ZEB1: variants seen among roughly 807,000 people sequenced by gnomAD.
ZEB1 encodes the protein zinc finger E-box binding homeobox 1.
Under a neutral mutation model 84.9 loss-of-function variants are expected in ZEB1, and 21 were observed. That is an observed-to-expected ratio of 0.25 (90% CI 0.18 to 0.36). The LOEUF (loss-of-function observed/expected upper bound fraction) is 0.36, where lower values mean the gene tolerates loss of function less well. ZEB1 is among the 10% of genes least tolerant of loss of function. The pLI is 1.00. For synonymous variants in ZEB1, 420 were observed against 471.1 expected (o/e 0.89, Z 1.41); for missense variants, 1,104 against 1,330.2 (o/e 0.83, Z 2.65).
intron 3 of ZEB1, among the ~76,000 whole-genome samples, chr10:31,499,747 A>G (rs570416767): frequency 6.6e-6 from 1 of 152,202 alleles, no homozygotes; most frequent in East Asian, 1.9e-4. Context: ...CCTGGGCGAC[A>G]AGAGCGAAAC....
intron 1 of ZEB1, among the ~76,000 whole-genome samples, chr10:31,453,832 A>C (rs549091841): frequency 6.6e-6 from 1 of 152,322 alleles, no homozygotes; most frequent in South Asian, 2.1e-4. Flanking sequence ...CCAGAGGTAC[A>C]AAGAGGAGCT....
At chr10:31,346,165 T>G (rs1405404899) in intron 1 of ZEB1, among the ~76,000 whole-genome samples, 7 of 152,206 alleles carry the variant, frequency 4.6e-5, no homozygotes, top group Admixed American at 1.3e-4. Flanking sequence ...ATTTACAATT[T>G]GTTCACTGTA....
At chr10:31,514,165 C>A (rs928128558) in intron 5 of ZEB1, among the ~76,000 whole-genome samples, 1 of 151,936 alleles carries the variant, frequency 6.6e-6, no homozygotes, top group African/African-American at 2.4e-5. Flanking sequence ...CTATTCAGGA[C>A]CTTGTTCTGT....
At chr10:31,500,209 AT>A (rs1217460000) in intron 3 of ZEB1, among the ~76,000 whole-genome samples, 3 of 152,126 alleles carry the variant, frequency 2.0e-5, no homozygotes, top group African/African-American at 7.2e-5. Context: ...TTTTACTTTT[AT>A]CTAGTTTAAA....
intron 1 of ZEB1, among the ~76,000 whole-genome samples, chr10:31,444,709 A>G (rs563317471): frequency 1.3e-5 from 2 of 152,204 alleles, no homozygotes; most frequent in Admixed American, 6.5e-5. Flanking sequence ...GGTTTGTCAA[A>G]GATCAGATAG....
intron 1 of ZEB1, among the ~76,000 whole-genome samples, chr10:31,443,681 C>G (rs1003768408): frequency 6.7e-6 from 1 of 149,270 alleles, no homozygotes; most frequent in African/African-American, 2.5e-5. Context: ...TTTGTTCTTG[C>G]GATAGTTTAC....
At chr10:31,522,820 G>A (rs1479647054) in intron 7 of ZEB1, among the ~76,000 whole-genome samples, 1 of 152,106 alleles carries the variant, frequency 6.6e-6, no homozygotes, top group East Asian at 1.9e-4. Flanking sequence ...TGTATTTGCT[G>A]CTTTTGTTTT....
At chr10:31,418,648 GTACTC>G (rs1354169417) in intron 1 of ZEB1, among the ~76,000 whole-genome samples, 2 of 152,072 alleles carry the variant, frequency 1.3e-5, no homozygotes, top group East Asian at 3.9e-4. Context: ...GCTTCTCTCT[GTACTC>G]TACTGAGGTT....
intron 1 of ZEB1, among the ~76,000 whole-genome samples, chr10:31,353,662 T>C (rs1420715756): frequency 2.6e-5 from 4 of 152,232 alleles, no homozygotes. Flanking sequence ...CAATGATCAT[T>C]TCTAAAGAAG....
chr10:31,370,895 T>C (rs753444683), intron 1 of ZEB1, among the ~76,000 whole-genome samples: 3 of 152,100 alleles, frequency 2.0e-5, no homozygotes, highest in Non-Finnish European at 4.4e-5. Context: ...TTTAAAAAAA[T>C]TTTTGCGGAG....
chr10:31,342,387 G>A (rs1211076184), intron 1 of ZEB1, among the ~76,000 whole-genome samples: 1 of 152,140 alleles, frequency 6.6e-6, no homozygotes, highest in East Asian at 1.9e-4. Flanking sequence ...TCTGAGGATA[G>A]TGGAAATAAA....
At chr10:31,452,726 TGTGTGTGTGTGTGTGTGAGAGAGA>T (rs1303054776) in intron 1 of ZEB1, among the ~76,000 whole-genome samples, 1,293 of 121,786 alleles carry the variant, frequency 0.011, 23 homozygotes, top group African/African-American at 0.051. Flanking sequence ...TGTGTGTGTG[TGTGTGTGTGTGTGTGTGAGAGAGA>T]GAGAGAGAGA....
chr10:31,488,697 G>C (rs1485339500), intron 2 of ZEB1, among the ~76,000 whole-genome samples: 1 of 150,848 alleles, frequency 6.6e-6, no homozygotes, highest in Non-Finnish European at 1.5e-5. Flanking sequence ...GTGTTTTAGG[G>C]ACACTCCACA....
At chr10:31,394,944 G>T (rs961435073) in intron 1 of ZEB1, among the ~76,000 whole-genome samples, 2 of 150,346 alleles carry the variant, frequency 1.3e-5, no homozygotes, top group African/African-American at 5.0e-5. Context: ...AGGGGATGAA[G>T]AATCATACAC....
intron 1 of ZEB1, among the ~76,000 whole-genome samples, chr10:31,409,859 T>C (rs546048362): frequency 6.6e-6 from 1 of 152,332 alleles, no homozygotes; most frequent in African/African-American, 2.4e-5. Flanking sequence ...ACATTGATTT[T>C]GTATCCTGAG....
chr10:31,510,971 G>A, intron 5 of ZEB1, 96 bp downstream of exon 5: 1 of 1,191,264 alleles, frequency 8.4e-7, no homozygotes, highest in Non-Finnish European at 1.2e-6. Flanking sequence ...AAAGTTAAAA[G>A]AATGTACTAA....
At chr10:31,468,487 C>G (rs1372882880) in intron 2 of ZEB1, among the ~76,000 whole-genome samples, 1 of 152,114 alleles carries the variant, frequency 6.6e-6, no homozygotes, top group African/African-American at 2.4e-5. Flanking sequence ...ACTGCACAAC[C>G]CAATATAATT....
Position 31,331,085 on chromosome 10 carries a change from T to C in ZEB1, c.58+11793T>C, listed in dbSNP as rs12415389. Among the ~76,000 whole-genome samples, 1,666 of 113,938 alleles carry C rather than the reference T, an allele frequency of 0.015. 35 individuals carry two copies. In the East Asian group the frequency reaches 0.2, roughly 14 times the overall value. 74.7% of individuals were successfully genotyped at this position (113,938 alleles called of 152,430 possible). A position where few individuals can be genotyped will look rare whatever the true frequency, so the allele number is the denominator to read the frequency against. ...TCTTTTCTTTTTTCTTTCTTTCTTT[T>C]TTTTTTTTTTTTTTTTTTTTTTGAG... is the stretch of plus-strand genomic sequence containing the variant. On this transcript the variant is annotated intron_variant, in intron 1 of 8. Transcript: ENST00000424869.
upstream of ZEB1, chr10:31,318,849 G>A (rs534255498): frequency 2.9e-6 from 1 of 344,584 alleles, no homozygotes; most frequent in Admixed American, 3.9e-5. Context: ...AGCCGCGGCG[G>A]GTGTGGCCAG....
Sources: allele counts gnomAD v4.1 joint callset (sites outside exome capture counted in the v4.1 genomes callset), GRCh38; gene constraint gnomAD v4.1.1; transcripts MANE v1.5; gene names NCBI Gene and HGNC (gene_info 2026-07-23, HGNC 2026-07-21).